Variants in PRH1 observed in about 807,000 individuals in gnomAD.
PRH1 encodes salivary acidic proline-rich phosphoprotein 1/2.
PRH1 carries 7 observed loss-of-function variants against 7.9 expected under a neutral mutation model. That is an observed-to-expected ratio of 0.89 (90% CI 0.50 to 1.67). The LOEUF is 1.67. Among genes scored for constraint, PRH1 ranks in the 40% most tolerant of loss-of-function variants. The pLI, the probability that PRH1 is intolerant of heterozygous loss-of-function variation, is 0.00. For missense variants in PRH1, 109 were observed against 223.6 expected, an observed-to-expected ratio of 0.49 and a Z score of 3.27; for synonymous variants, 45 against 80.8, an observed-to-expected ratio of 0.56 and a Z score of 2.38.
intron 2 of PRH1, among the ~76,000 whole-genome samples, chr12:10,957,402 A>G (rs1484760703): frequency 6.6e-6 from 1 of 152,162 alleles, no homozygotes; most frequent in Non-Finnish European, 1.5e-5. Context: ...ATACATACAC[A>G]AAACTCAATG....
intron 2 of PRH1, among the ~76,000 whole-genome samples, chr12:10,904,406 T>C (rs1949772899): frequency 6.6e-6 from 1 of 151,944 alleles, no homozygotes; most frequent in African/African-American, 2.4e-5. Context: ...TTGACAAAAC[T>C]GACAAAAATA....
intron 1 of PRH1, among the ~76,000 whole-genome samples, chr12:11,100,051 AC>A (rs1340029813): frequency 2.0e-5 from 3 of 152,226 alleles, no homozygotes; most frequent in Non-Finnish European, 4.4e-5. Flanking sequence ...GAATGTATAT[AC>A]AACTAATTGA....
intron 2 of PRH1, among the ~76,000 whole-genome samples, chr12:10,915,751 A>G (rs1438625543): frequency 1.3e-5 from 2 of 152,232 alleles, no homozygotes; most frequent in Non-Finnish European, 2.9e-5. Context: ...CAAACATTTG[A>G]TTGGTTAGCT....
chr12:10,997,818 C>T, intron 1 of PRH1: 1 of 1,612,390 alleles, frequency 6.2e-7, no homozygotes, highest in African/African-American at 1.3e-5. Context: ...GCAAAATTTC[C>T]AAGAATAAAT....
intron 2 of PRH1, chr12:10,930,214 A>T: frequency 6.4e-7 from 1 of 1,574,742 alleles, no homozygotes; most frequent in Non-Finnish European, 8.7e-7. Context: ...GAACACTATG[A>T]GCTCTGAATG....
At chr12:11,105,383 G>A (rs573813024) in intron 1 of PRH1, among the ~76,000 whole-genome samples, 1 of 152,182 alleles carries the variant, frequency 6.6e-6, no homozygotes, top group South Asian at 2.1e-4. Context: ...ACATCTATGT[G>A]TACCTGATTC....
chr12:10,887,975 C>T (rs1441985991), upstream of PRH1, among the ~76,000 whole-genome samples: 1 of 152,186 alleles, frequency 6.6e-6, no homozygotes, highest in Non-Finnish European at 1.5e-5. Context: ...TTGTGGCAAA[C>T]TAGAGAAGCA....
chr12:11,080,687 C>T lies in PRH1; in HGVS notation n.124-33499G>A, dbSNP rs1378651696. Among the ~76,000 whole-genome samples, 6 of 124,006 alleles carry T rather than the reference C, an allele frequency of 4.8e-5. 2 individuals carry two copies. Among genetic ancestry groups the T allele is most frequent in the African/African-American group, 1.4e-4 (5 of 36,454 alleles). The allele number at this position is 124,006 out of a possible 152,430, so 81.4% of individuals were successfully genotyped here. Reference sequence around the variant, plus strand: ...GTCAACATTTATTTAGAATTACACACTTATTTTTCATTGTCATTAATTTTT... The same window carrying T: ...GTCAACATTTATTTAGAATTACACATTTATTTTTCATTGTCATTAATTTTT... On this transcript the variant is annotated intron_variant and non_coding_transcript_variant, in intron 1 of 4. Transcript: ENST00000541977.
Position 11,157,215 on chromosome 12 carries a change from C to T in PRH1, n.39+14207G>A, listed in dbSNP as rs536944442. The stretch of plus-strand genomic sequence containing the variant: ...AAAATAAATTTGATGCAAGTAGCAG[C>T]TTCTCTGTTGCTGCATCTTCACCAC... On this transcript the variant is annotated intron_variant and non_coding_transcript_variant, in intron 1 of 1. Coordinates refer to the PRH1 transcript ENST00000541175. 3.9e-5 allele frequency among the ~76,000 whole-genome samples: 6 copies of T among 152,324 alleles called. No homozygotes were observed. The East Asian group carries it at 1.2e-3, about 29-fold the overall frequency.
At chr12:11,120,831 G>A (rs1264282610), downstream of PRH1, 1 of 152,568 alleles carries the variant, frequency 6.6e-6, no homozygotes, top group East Asian at 1.9e-4. Context: ...ACAGTCATTA[G>A]TTTTACAGCT....
chr12:10,990,149 G>C (rs1475711130), intron 1 of PRH1, among the ~76,000 whole-genome samples: 2 of 152,196 alleles, frequency 1.3e-5, no homozygotes, highest in Non-Finnish European at 2.9e-5. Context: ...AAATAGAATA[G>C]AGAATGTGGA....
At chr12:11,114,601 G>A (rs917749743) in intron 1 of PRH1, among the ~76,000 whole-genome samples, 4 of 152,004 alleles carry the variant, frequency 2.6e-5, no homozygotes, top group South Asian at 2.1e-4. Context: ...CATGTACACC[G>A]ATGTAACAAA....
chr12:11,083,035 T>A (rs111686571), intron 1 of PRH1, among the ~76,000 whole-genome samples: 1,574 of 104,724 alleles, frequency 0.015, 378 homozygotes, highest in African/African-American at 0.046. Flanking sequence ...AAAAAATTTG[T>A]AATATCAAAA....
At chr12:10,951,963 T>A (rs1359067623) in intron 2 of PRH1, among the ~76,000 whole-genome samples, 4 of 152,226 alleles carry the variant, frequency 2.6e-5, no homozygotes, top group Non-Finnish European at 5.9e-5. Context: ...AATCCAGTTC[T>A]CTGCTTCATA....
intron 1 of PRH1, chr12:11,078,680 A>G (rs1489506414): frequency 6.6e-6 from 1 of 152,082 alleles, no homozygotes; most frequent in African/African-American, 2.4e-5. Context: ...TTAAAACCAA[A>G]TACATATATC....
chr12:10,995,359 G>T (rs1382349460), intron 1 of PRH1, among the ~76,000 whole-genome samples: 1 of 152,100 alleles, frequency 6.6e-6, no homozygotes, highest in African/African-American at 2.4e-5. Context: ...ATGTGGAGAT[G>T]ATTTATCTTA....
At chr12:10,889,657 T>A (rs1949542722) in intron 2 of PRH1, among the ~76,000 whole-genome samples, 1 of 152,184 alleles carries the variant, frequency 6.6e-6, no homozygotes, top group Non-Finnish European at 1.5e-5. Context: ...AGTACATCAT[T>A]TGTTATAGCC....
intron 1 of PRH1, chr12:11,077,693 T>C: frequency 8.2e-7 from 1 of 1,212,996 alleles, no homozygotes; most frequent in South Asian, 1.2e-5. Flanking sequence ...GGTATGAGGT[T>C]TGCTAGTGTG....
At chr12:11,059,273 C>T (rs1943490427) in intron 1 of PRH1, among the ~76,000 whole-genome samples, 1 of 151,464 alleles carries the variant, frequency 6.6e-6, no homozygotes, top group Admixed American at 6.6e-5. Flanking sequence ...TGCTGTCTCT[C>T]TCACCTCACT....
Sources: gnomAD v4.1 joint callset for allele counts (sites outside exome capture counted in the v4.1 genomes callset) on GRCh38, gnomAD v4.1.1 for gene constraint, MANE v1.5 for transcripts, NCBI Gene and HGNC (gene_info 2026-07-23, HGNC 2026-07-21) for gene names.